SYT1: variants seen among roughly 807,000 people sequenced by gnomAD.
SYT1 encodes the protein synaptotagmin-1.
In SYT1, 8 loss-of-function variants were observed where a neutral mutation model predicts 44.8. That is an observed-to-expected ratio of 0.18 (90% CI 0.10 to 0.32). SYT1 has a LOEUF of 0.32. Among genes scored for constraint, SYT1 ranks in the 10% least tolerant of loss-of-function variants. The pLI, the probability that SYT1 is intolerant of heterozygous loss-of-function variation, is 1.00. For missense variants in SYT1, 286 were observed against 509.3 expected, an observed-to-expected ratio of 0.56 and a Z score of 4.22; for synonymous variants, 154 against 188.8, an observed-to-expected ratio of 0.82 and a Z score of 1.51.
At position 79,433,798 on chromosome 12, in the gene SYT1, C is replaced by T. The variant is rs138257425; in HGVS notation, c.929-10275C>T. 1.2e-3 allele frequency among the ~76,000 whole-genome samples: 184 copies of T among 152,266 alleles called. 1 individual carries two copies. The highest frequency in any genetic ancestry group is 4.2e-3 in the African/African-American group (176 of 41,542). On this transcript the variant is annotated intron_variant, in intron 9 of 10. Transcript: ENST00000261205. ...GGCTTGAATTATACATGAAGAATTTCACCATAAAATCTGAACAAAAAACAT... is the reference window on the plus strand; with the variant it reads ...GGCTTGAATTATACATGAAGAATTTTACCATAAAATCTGAACAAAAAACAT...
At chr12:79,113,627 T>C (rs953812621) in intron 3 of SYT1, among the ~76,000 whole-genome samples, 1 of 152,178 alleles carries the variant, frequency 6.6e-6, no homozygotes, top group African/African-American at 2.4e-5. Flanking sequence ...CCAAACTTAT[T>C]TGACCATGAA....
intron 1 of SYT1, among the ~76,000 whole-genome samples, chr12:78,937,170 T>C (rs1320038345): frequency 6.6e-6 from 1 of 152,198 alleles, no homozygotes; most frequent in African/African-American, 2.4e-5. Context: ...TTAGTCAAGC[T>C]GAGGGGAATG....
chr12:79,341,648 A>T (rs1007018344), intron 8 of SYT1, among the ~76,000 whole-genome samples: 42 of 150,458 alleles, frequency 2.8e-4, no homozygotes, highest in African/African-American at 1.0e-3. Context: ...ATACTTAATA[A>T]ATACATTCAT....
intron 3 of SYT1, among the ~76,000 whole-genome samples, 171 bp from the exon 4 acceptor site, chr12:79,217,332 T>C (rs1592862594): frequency 6.6e-6 from 1 of 152,364 alleles, no homozygotes; most frequent in East Asian, 1.9e-4. Context: ...CTTCACTCGC[T>C]GTGGTTCCAT....
At chr12:78,967,116 C>T (rs1429145690) in intron 1 of SYT1, among the ~76,000 whole-genome samples, 1 of 152,052 alleles carries the variant, frequency 6.6e-6, no homozygotes, top group Non-Finnish European at 1.5e-5. Context: ...ATCTTATGCT[C>T]AATTTAACAA....
intron 2 of SYT1, among the ~76,000 whole-genome samples, chr12:79,046,775 G>A (rs1042855255): frequency 1.3e-5 from 2 of 151,796 alleles, no homozygotes; most frequent in South Asian, 4.1e-4. Context: ...TAGTTAGTAG[G>A]TTATATCTAG....
At chr12:79,316,309 G>A (rs1881082101) in intron 8 of SYT1, among the ~76,000 whole-genome samples, 1 of 152,158 alleles carries the variant, frequency 6.6e-6, no homozygotes, top group African/African-American at 2.4e-5. Context: ...ATGTTTATGA[G>A]ATTCTTCATA....
chr12:79,448,883 TA>T, intron 10 of SYT1, 34 bp from the exon 11 acceptor site: 1 of 1,602,782 alleles, frequency 6.2e-7, no homozygotes, highest in Non-Finnish European at 8.5e-7. Context: ...TCTCTAGAGC[TA>T]GATGATTCAT....
intron 2 of SYT1, among the ~76,000 whole-genome samples, chr12:79,013,462 C>T (rs1262355447): frequency 6.6e-6 from 1 of 152,162 alleles, no homozygotes; most frequent in African/African-American, 2.4e-5. Flanking sequence ...GTAACTACAA[C>T]TTGCACACTG....
At chr12:79,335,452 C>T (rs544524306) in intron 8 of SYT1, among the ~76,000 whole-genome samples, 145 of 151,416 alleles carry the variant, frequency 9.6e-4, no homozygotes, top group African/African-American at 3.3e-3. Context: ...AACACAGGTC[C>T]GTGTTTGAAA....
intron 1 of SYT1, among the ~76,000 whole-genome samples, chr12:78,891,328 A>C (rs1178767446): frequency 2.0e-5 from 3 of 151,930 alleles, no homozygotes; most frequent in Non-Finnish European, 4.4e-5. Flanking sequence ...AAAACAGTAC[A>C]TTTAGAGAAA....
intron 3 of SYT1, among the ~76,000 whole-genome samples, chr12:79,078,334 A>G (rs1876802192): frequency 6.6e-6 from 1 of 152,136 alleles, no homozygotes; most frequent in East Asian, 1.9e-4. Flanking sequence ...TAAGAATATC[A>G]GTGTCTTCTC....
chr12:79,298,677 T>C (rs1437396934), intron 7 of SYT1, among the ~76,000 whole-genome samples: 2 of 152,186 alleles, frequency 1.3e-5, no homozygotes, highest in South Asian at 2.1e-4. Context: ...GTCCCAGATA[T>C]ATTTGAACAG....
At chr12:79,019,168 G>C (rs995565945) in intron 2 of SYT1, among the ~76,000 whole-genome samples, 24 of 151,956 alleles carry the variant, frequency 1.6e-4, no homozygotes, top group African/African-American at 5.8e-4. Context: ...GCTGGCTATG[G>C]TCTGACAATC....
chr12:78,971,598 TC>T (rs1367752005), intron 1 of SYT1, among the ~76,000 whole-genome samples: 1 of 152,204 alleles, frequency 6.6e-6, no homozygotes, highest in African/African-American at 2.4e-5. Flanking sequence ...AAACAATTTT[TC>T]CTAACATTTT....
intron 1 of SYT1, among the ~76,000 whole-genome samples, chr12:78,902,640 G>T (rs941199374): frequency 6.6e-6 from 1 of 152,044 alleles, no homozygotes; most frequent in Non-Finnish European, 1.5e-5. Flanking sequence ...CTAGAAAGTG[G>T]TAGACCTTGA....
At chr12:79,257,738 C>T (rs372347630) in intron 4 of SYT1, among the ~76,000 whole-genome samples, 5 of 152,176 alleles carry the variant, frequency 3.3e-5, no homozygotes, top group African/African-American at 9.7e-5. Flanking sequence ...CCGCTCGCCT[C>T]GGCCTCCCAA....
At chr12:79,076,956 C>A (rs1048242941) in intron 3 of SYT1, among the ~76,000 whole-genome samples, 1 of 152,148 alleles carries the variant, frequency 6.6e-6, no homozygotes, top group African/African-American at 2.4e-5. Flanking sequence ...TTCCTTCCTA[C>A]CCCTAACCCC....
At chr12:78,866,883 G>C (rs17045855) in intron 1 of SYT1, among the ~76,000 whole-genome samples, 2,460 of 151,908 alleles carry the variant, frequency 0.016, 65 homozygotes, top group African/African-American at 0.056. Flanking sequence ...TTTTCACTAC[G>C]TACGTTTAAT....
Sources: allele counts gnomAD v4.1 joint callset (sites outside exome capture counted in the v4.1 genomes callset), GRCh38; gene constraint gnomAD v4.1.1; transcripts MANE v1.5; gene names NCBI Gene and HGNC (gene_info 2026-07-23, HGNC 2026-07-21).